SLC29A3: variants seen among roughly 807,000 people sequenced by gnomAD.
SLC29A3 encodes the protein solute carrier family 29 member 3, also known as equilibrative nucleoside transporter 3.
In SLC29A3, 18 loss-of-function variants were observed where a neutral mutation model predicts 25.4. The observed-to-expected ratio is 0.71, with a 90% confidence interval of 0.49 to 1.05. The LOEUF is 1.05. Among genes scored for constraint, SLC29A3 ranks in the 50% least tolerant of loss-of-function variants. The pLI, the probability that SLC29A3 is intolerant of heterozygous loss-of-function variation, is 0.00. For missense variants in SLC29A3, 586 were observed against 609.0 expected, an observed-to-expected ratio of 0.96 and a Z score of 0.40; for synonymous variants, 258 against 267.1, an observed-to-expected ratio of 0.97 and a Z score of 0.33.
chr10:71,336,487 G>T (rs935589377), intron 2 of SLC29A3, among the ~76,000 whole-genome samples: 4 of 151,990 alleles, frequency 2.6e-5, no homozygotes, highest in African/African-American at 9.7e-5. Context: ...CACGGCTTTG[G>T]CAGTGGCAAC....
chr10:71,354,257 A>AC (rs1846838275), intron 4 of SLC29A3, among the ~76,000 whole-genome samples: 1 of 152,050 alleles, frequency 6.6e-6, no homozygotes, highest in Non-Finnish European at 1.5e-5. Context: ...TATTATTAAC[A>AC]CCCCCATTGT....
chr10:71,324,092 A>T (rs931614032), intron 2 of SLC29A3, among the ~76,000 whole-genome samples: 1 of 152,214 alleles, frequency 6.6e-6, no homozygotes, highest in Non-Finnish European at 1.5e-5. Flanking sequence ...ATTTAAGACT[A>T]TTGTAGTAGG....
chr10:71,327,248 G>A (rs1845993663), intron 2 of SLC29A3, among the ~76,000 whole-genome samples: 1 of 152,150 alleles, frequency 6.6e-6, no homozygotes, highest in South Asian at 2.1e-4. Flanking sequence ...AAGGTCAGCG[G>A]GCTCATTTCC....
At position 71,322,798 on chromosome 10, in the gene SLC29A3, C is replaced by T; in HGVS notation, c.44C>T (p.Ser15Phe). 6.2e-7 allele frequency: 1 copy of T among 1,614,158 alleles called. No homozygotes were observed. The highest frequency in any genetic ancestry group is 8.5e-7 in the Non-Finnish European group (1 of 1,180,042). ...SEDDFQHSSN[S>F]TYRTTSSSLR... The stretch of plus-strand genomic sequence containing the variant: ...GACGACTTTCAGCACAGTTCAAACT[C>T]CACCTACAGAACCACAAGCAGCAGT... Residue 15 changes from serine (S) to phenylalanine (F), a missense_variant, in exon 2 of 6, where the codon TCC becomes TTC. By Grantham distance (155) the Ser-to-Phe change is radical. Coordinates refer to ENST00000373189, the MANE Select transcript of SLC29A3 (RefSeq NM_018344.6).
At chr10:71,366,769 G>A (rs1189920208), downstream of SLC29A3, among the ~76,000 whole-genome samples, 1 of 152,204 alleles carries the variant, frequency 6.6e-6, no homozygotes, top group Non-Finnish European at 1.5e-5. Context: ...GGCAAAGCCT[G>A]TTGACATATT....
intron 4 of SLC29A3, 152 bp from the exon 5 acceptor site, chr10:71,355,929 G>T: frequency 1.2e-6 from 1 of 829,450 alleles, no homozygotes; most frequent in Non-Finnish European, 2.0e-6. Context: ...GGCCCTCCCT[G>T]TCTCTGAGGC....
intron 4 of SLC29A3, 77 bp from the exon 5 acceptor site, chr10:71,356,003 AC>A (rs1846895120): frequency 8.4e-6 from 13 of 1,553,922 alleles, no homozygotes; most frequent in Non-Finnish European, 1.1e-5. Flanking sequence ...GGTTTGTGAA[AC>A]CCAAGCAGGG....
chr10:71,380,799 C>T (rs1419475828), exon 5 of SLC29A3: 1 of 152,242 alleles, frequency 6.6e-6, no homozygotes, highest in Non-Finnish European at 1.5e-5. Flanking sequence ...GTGGGTCCCT[C>T]TACAATAATC....
Position 71,322,820 on chromosome 10 carries a change from C to T in SLC29A3, c.66C>T (p.Ser22=), listed in dbSNP as rs371599003. 15 of 1,614,100 alleles carry T rather than the reference C, an allele frequency of 9.3e-6. No homozygotes were observed. The highest frequency in any genetic ancestry group is 1.3e-5 in the African/African-American group (1 of 74,924). Residue 22 remains serine (S), a synonymous_variant, in exon 2 of 6, where the codon AGC becomes AGT. Coordinates refer to ENST00000373189, the MANE Select transcript of SLC29A3 (RefSeq NM_018344.6). ...ACTCCACCTACAGAACCACAAGCAG[C>T]AGTCTCCGAGCTGACCAGGAGGCAC... ...SSNSTYRTTS[S]SLRADQEALL...
intron 2 of SLC29A3, among the ~76,000 whole-genome samples, chr10:71,341,171 C>A (rs1194183083): frequency 6.6e-6 from 1 of 152,160 alleles, no homozygotes; most frequent in Non-Finnish European, 1.5e-5. Flanking sequence ...CCTCTCACAG[C>A]CACTGGTGCA....
At chr10:71,325,011 G>C (rs977470592) in intron 2 of SLC29A3, among the ~76,000 whole-genome samples, 7 of 152,154 alleles carry the variant, frequency 4.6e-5, no homozygotes, top group African/African-American at 1.7e-4. Flanking sequence ...TGAGAGCACG[G>C]GGAGGCAAGG....
intron 4 of SLC29A3, among the ~76,000 whole-genome samples, chr10:71,352,014 A>G (rs537697827): frequency 1.3e-5 from 2 of 152,282 alleles, no homozygotes; most frequent in South Asian, 2.1e-4. Context: ...TCCCCATGGC[A>G]TCAGCCAGCA....
chr10:71,379,098 A>G (rs532672535), intron 4 of SLC29A3, among the ~76,000 whole-genome samples: 8 of 152,274 alleles, frequency 5.3e-5, no homozygotes, highest in African/African-American at 1.9e-4. Flanking sequence ...TTGCCCCCCA[A>G]CGGGGAAACT....
intron 5 of SLC29A3, 114 bp from the exon 6 acceptor site, chr10:71,361,840 G>A: frequency 3.2e-6 from 4 of 1,268,130 alleles, no homozygotes; most frequent in Non-Finnish European, 4.5e-6. Flanking sequence ...GGGCATACGG[G>A]GCTTGGGCTC....
At chr10:71,374,480 C>T (rs1311340785) in intron 3 of SLC29A3, among the ~76,000 whole-genome samples, 1 of 152,174 alleles carries the variant, frequency 6.6e-6, no homozygotes, top group Non-Finnish European at 1.5e-5. Flanking sequence ...TCTGCTCCCG[C>T]CATGGTAACC....
downstream of SLC29A3, among the ~76,000 whole-genome samples, chr10:71,367,627 A>C (rs780690): frequency 0.52 from 79,364 of 152,098 alleles, 22,125 homozygotes; most frequent in Middle Eastern, 0.63. Flanking sequence ...GGGCAGCCTC[A>C]GCCTGAGATG....
chr10:71,347,733 G>C (rs1846629848), intron 3 of SLC29A3, among the ~76,000 whole-genome samples: 1 of 152,184 alleles, frequency 6.6e-6, no homozygotes, highest in African/African-American at 2.4e-5. Context: ...CATGTAGGGG[G>C]ACAGAGGAGG....
intron 3 of SLC29A3, among the ~76,000 whole-genome samples, chr10:71,369,453 G>T (rs1392215718): frequency 2.0e-5 from 3 of 152,178 alleles, no homozygotes; most frequent in African/African-American, 2.4e-5. Context: ...TGAGAAAAGA[G>T]AAATGACTTA....
intron 2 of SLC29A3, among the ~76,000 whole-genome samples, chr10:71,325,915 C>CTT (rs5786034): frequency 0.19 from 23,769 of 122,428 alleles, 2,745 homozygotes; most frequent in Non-Finnish European, 0.25. Context: ...TATATTAGTA[C>CTT]TTTTTTTTTT....
Sources: allele counts gnomAD v4.1 joint callset (sites outside exome capture counted in the v4.1 genomes callset), GRCh38; gene constraint gnomAD v4.1.1; transcripts MANE v1.5; gene names NCBI Gene and HGNC (gene_info 2026-07-23, HGNC 2026-07-21).